Variants in TMEM132D observed in about 807,000 individuals in gnomAD.
TMEM132D encodes the protein transmembrane protein 132D, also known as mature OL transmembrane protein.
A neutral mutation model predicts 62.3 loss-of-function variants in TMEM132D; 21 were observed. The observed-to-expected ratio is 0.34, with a 90% CI of 0.24 to 0.49. The LOEUF (loss-of-function observed/expected upper bound fraction) is 0.49. Among genes scored for constraint, TMEM132D ranks in the 20% least tolerant of loss-of-function variants. The pLI is 0.99. For synonymous variants in TMEM132D, 621 were observed against 575.6 expected (o/e 1.08, Z -1.13); for missense variants, 1,346 against 1,402.8 (o/e 0.96, Z 0.65).
rs11060199 is a variant in TMEM132D, at chr12:129,207,248, T to C, written c.1443+2272A>G. ...AGTTCCAAGGAGGACAGTCAGAAGA[T>C]GAATACAGCACCGCCCTCATGGAGT... is the stretch of plus-strand genomic sequence containing the variant. On this transcript the variant is annotated intron_variant, in intron 5 of 8. Coordinates refer to ENST00000422113, the MANE Select transcript of TMEM132D (RefSeq NM_133448.3). Among the ~76,000 whole-genome samples the C allele has an allele frequency of 2.8e-3, 416 of 151,092 alleles. 9 individuals carry two copies. In the East Asian group the frequency reaches 0.07, roughly 25 times the overall value.
At chr12:129,657,412 A>G (rs943566513) in intron 2 of TMEM132D, among the ~76,000 whole-genome samples, 1 of 152,116 alleles carries the variant, frequency 6.6e-6, no homozygotes, top group Admixed American at 6.6e-5. Flanking sequence ...CTGATCTCAC[A>G]TTTCCACCGT....
chr12:129,771,256 T>C (rs888099284), intron 1 of TMEM132D, among the ~76,000 whole-genome samples: 2 of 152,198 alleles, frequency 1.3e-5, no homozygotes, highest in Non-Finnish European at 2.9e-5. Context: ...GTTCCATTCC[T>C]GGCTCTACCG....
At chr12:129,788,721 G>A (rs1871312801) in intron 1 of TMEM132D, among the ~76,000 whole-genome samples, 1 of 152,118 alleles carries the variant, frequency 6.6e-6, no homozygotes, top group South Asian at 2.1e-4. Context: ...CTATACCAGG[G>A]TATGATGACT....
chr12:129,688,803 T>C (rs910518049), intron 2 of TMEM132D, among the ~76,000 whole-genome samples: 2 of 152,130 alleles, frequency 1.3e-5, no homozygotes, highest in Non-Finnish European at 2.9e-5. Flanking sequence ...ATGTGCAATT[T>C]AAATAATTTC....
chr12:129,486,306 A>G lies in TMEM132D; in HGVS notation c.1115+44753T>C, dbSNP rs184383507. Among the ~76,000 whole-genome samples, 5 of 152,190 alleles carry G rather than the reference A, an allele frequency of 3.3e-5. No homozygotes were observed. In the East Asian group the frequency reaches 7.7e-4, roughly 24 times the overall value. ...TTTACTGGTATTTTTCTTCATCTCC[A>G]TAAAAATTTTAAAACGCCCTCTAAC... On this transcript the variant is annotated intron_variant, in intron 3 of 8. Coordinates refer to ENST00000422113, the MANE Select transcript of TMEM132D (RefSeq NM_133448.3).
At chr12:129,199,283 G>T (rs1211602803) in intron 5 of TMEM132D, among the ~76,000 whole-genome samples, 1 of 151,896 alleles carries the variant, frequency 6.6e-6, no homozygotes, top group Non-Finnish European at 1.5e-5. Context: ...TGTATTTTTG[G>T]TAGAGATAGG....
At chr12:129,192,104 A>T (rs928824212) in intron 5 of TMEM132D, among the ~76,000 whole-genome samples, 6 of 152,298 alleles carry the variant, frequency 3.9e-5, no homozygotes, top group Admixed American at 3.3e-4. Context: ...GGTCTTCACC[A>T]GGGCCTGAGT....
At chr12:129,079,796 T>C (rs1203513963) in intron 7 of TMEM132D, among the ~76,000 whole-genome samples, 1 of 152,042 alleles carries the variant, frequency 6.6e-6, no homozygotes, top group African/African-American at 2.4e-5. Context: ...CAGAAGAAAG[T>C]GGACAAGTGA....
chr12:129,164,082 T>C (rs749685670), intron 5 of TMEM132D, among the ~76,000 whole-genome samples: 29 of 152,180 alleles, frequency 1.9e-4, no homozygotes, highest in Admixed American at 3.3e-4. Context: ...TTACCCAGTA[T>C]GCAGCTCGAT....
At chr12:129,084,848 G>C in intron 5 of TMEM132D, 146 bp from the exon 6 acceptor site, 1 of 672,606 alleles carries the variant, frequency 1.5e-6, no homozygotes, top group Non-Finnish European at 2.5e-6. Context: ...TCCTGGTATG[G>C]AGCAGACATT....
chr12:129,344,868 C>T (rs1402697382), intron 3 of TMEM132D, among the ~76,000 whole-genome samples: 3 of 151,854 alleles, frequency 2.0e-5, no homozygotes, highest in East Asian at 1.9e-4. Context: ...TTGATGGCTC[C>T]GTCTCTAAAA....
At chr12:129,612,996 C>G (rs1036942782) in intron 2 of TMEM132D, among the ~76,000 whole-genome samples, 6 of 152,162 alleles carry the variant, frequency 3.9e-5, no homozygotes, top group African/African-American at 1.4e-4. Context: ...TTCAGAAATC[C>G]CTCTATCCCT....
chr12:129,845,701 G>A (rs1432987811), intron 1 of TMEM132D, among the ~76,000 whole-genome samples: 1 of 152,152 alleles, frequency 6.6e-6, no homozygotes, highest in Non-Finnish European at 1.5e-5. Context: ...AAATGACACA[G>A]GGCAGATAAG....
intron 3 of TMEM132D, among the ~76,000 whole-genome samples, chr12:129,457,168 T>C (rs1873498291): frequency 6.6e-6 from 1 of 151,856 alleles, no homozygotes; most frequent in Non-Finnish European, 1.5e-5. Flanking sequence ...CTATTCACAA[T>C]AGCAAAGACT....
chr12:129,635,172 T>A (rs755965061), intron 2 of TMEM132D, among the ~76,000 whole-genome samples: 5 of 152,236 alleles, frequency 3.3e-5, no homozygotes, highest in Non-Finnish European at 7.3e-5. Context: ...TCCACCACTT[T>A]GATGTAGTTT....
chr12:129,817,283 A>C (rs577789756), intron 1 of TMEM132D, among the ~76,000 whole-genome samples: 1 of 152,288 alleles, frequency 6.6e-6, no homozygotes, highest in African/African-American at 2.4e-5. Flanking sequence ...TGTGCAGATG[A>C]TGTCTTTCTG....
chr12:129,087,961 G>GGGGCGTCCTCCATGACC (rs1874693694), intron 5 of TMEM132D, among the ~76,000 whole-genome samples: 1 of 90,382 alleles, frequency 1.1e-5, no homozygotes, highest in Non-Finnish European at 2.3e-5. Context: ...CTCCCTGACC[G>GGGGCGTCCTCCATGACC]GGGTGTCCTC....
chr12:129,434,876 A>T (rs1414016901), intron 3 of TMEM132D, among the ~76,000 whole-genome samples: 1 of 152,080 alleles, frequency 6.6e-6, no homozygotes, highest in Non-Finnish European at 1.5e-5. Flanking sequence ...ATTGTTAACT[A>T]TATCACCCTA....
In TMEM132D at chr12:129,180,210, G is replaced by GGGAGGAGGAGGA. The variant is rs61354153; in HGVS notation, c.1443+29298_1443+29309dup. Among the ~76,000 whole-genome samples the GGGAGGAGGAGGA allele has an allele frequency of 5.3e-3, 800 of 149,906 alleles. 9 individuals are homozygous for GGGAGGAGGAGGA. The highest frequency in any genetic ancestry group is 0.018 in the African/African-American group (746 of 40,778). On this transcript the variant is annotated intron_variant, in intron 5 of 8. Transcript: ENST00000422113. ...GCATTCGTAAGCAGCACAGATAGTG[G>GGGAGGAGGAGGA]GGAGGAGGAGGAGGAGGAGGAGGAG...
Sources: allele counts gnomAD v4.1 joint callset (sites outside exome capture counted in the v4.1 genomes callset), GRCh38; gene constraint gnomAD v4.1.1; transcripts MANE v1.5; gene names NCBI Gene and HGNC (gene_info 2026-07-23, HGNC 2026-07-21).